Variants in DPP8 observed in about 807,000 individuals in gnomAD.
The protein encoded by DPP8 is dipeptidyl peptidase 8.
Under a neutral mutation model 107.5 loss-of-function variants are expected in DPP8, and 31 were observed. That is an observed-to-expected ratio of 0.29 (90% CI 0.22 to 0.39). The LOEUF (loss-of-function observed/expected upper bound fraction) is 0.39, where lower values mean the gene tolerates loss of function less well. Ranked by LOEUF, DPP8 falls within the 10% of genes least tolerant of loss-of-function variation. DPP8 has a pLI of 1.00. For synonymous variants in DPP8, 381 were observed against 356.6 expected (o/e 1.07, Z -0.77); for missense variants, 842 against 1,076.1 (o/e 0.78, Z 3.04).
intron 3 of DPP8, 94 bp from the exon 4 acceptor site, chr15:65,500,873 C>CTTTT (rs781459910): frequency 2.6e-4 from 87 of 329,060 alleles, no homozygotes; most frequent in South Asian, 6.0e-4. Context: ...ATTATTGACT[C>CTTTT]TTTTTTTTTT....
chr15:65,507,397 G>C (rs753720055), intron 2 of DPP8, 42 bp from the exon 3 acceptor site: 124 of 1,284,876 alleles, frequency 9.7e-5, no homozygotes, highest in Non-Finnish European at 2.7e-5. Flanking sequence ...TTTTCGAATA[G>C]CATTCTTACT....
chr15:65,463,246 A>C (rs1274133781), intron 15 of DPP8, among the ~76,000 whole-genome samples: 2 of 152,186 alleles, frequency 1.3e-5, no homozygotes, highest in African/African-American at 4.8e-5. Context: ...AAATTAAGGA[A>C]CTGCCTTAGT....
chr15:65,496,048 A>G (rs2140951998), intron 5 of DPP8, among the ~76,000 whole-genome samples: 1 of 149,134 alleles, frequency 6.7e-6, no homozygotes. Flanking sequence ...CAGTGGTGTG[A>G]TCTCAGCTCA....
chr15:65,497,909 T>C lies in DPP8; in HGVS notation c.670A>G (p.Asn224Asp). 1.3e-6 allele frequency: 2 copies of C among 1,594,582 alleles called. No homozygotes were observed. The highest frequency in any genetic ancestry group is 1.7e-6 in the Non-Finnish European group (2 of 1,167,752). ...FIHSNDIWISNIVTREERRLT... is the reference protein window; with the variant it reads ...FIHSNDIWISDIVTREERRLT... ...CTCCTTTCTTCTCTGGTTACGATGT[T>C]AGATATCCAAATATCGTTGCTATGT... The change falls in exon 5 of 20, where the codon AAC becomes GAC. Residue 224 changes from asparagine (N) to aspartate (D), a missense_variant. Coordinates refer to ENST00000300141, the MANE Select transcript of DPP8 (RefSeq NM_130434.5).
At chr15:65,464,232 A>G (rs7497047) in intron 14 of DPP8, among the ~76,000 whole-genome samples, 84,777 of 151,812 alleles carry the variant, frequency 0.56, 26,148 homozygotes, top group African/African-American at 0.83. Context: ...GCATGGTGGC[A>G]GGCGCCTGTA....
chr15:65,454,549 T>C (rs540718279), intron 16 of DPP8, 134 bp from the exon 17 acceptor site: 1 of 766,958 alleles, frequency 1.3e-6, no homozygotes, highest in South Asian at 2.1e-5. Flanking sequence ...TTTTTTGAGA[T>C]GGAGTCTCAC....
At chr15:65,516,307 C>G (rs747139996) in intron 1 of DPP8, 9 of 152,266 alleles carry the variant, frequency 5.9e-5, no homozygotes, top group Admixed American at 1.3e-4. Context: ...AGACTTTTCA[C>G]GAGATAAACA....
chr15:65,475,492 A>G (rs770061290), intron 11 of DPP8: 134 of 1,497,430 alleles, frequency 8.9e-5, no homozygotes, highest in Admixed American at 2.7e-4. Flanking sequence ...TCACTCCCAC[A>G]TAGGCCATCA....
At chr15:65,510,796 C>A (rs1300516371) in intron 2 of DPP8, among the ~76,000 whole-genome samples, 1 of 152,208 alleles carries the variant, frequency 6.6e-6, no homozygotes, top group Non-Finnish European at 1.5e-5. Context: ...GCCATAGCCT[C>A]CCAAAGTGCT....
intron 8 of DPP8, among the ~76,000 whole-genome samples, chr15:65,482,771 T>C (rs901924322): frequency 6.6e-6 from 1 of 151,148 alleles, no homozygotes; most frequent in South Asian, 2.1e-4. Context: ...ATCAGAAAAA[T>C]GTAAATCAAA....
chr15:65,450,537 T>C (rs948650942), intron 19 of DPP8, among the ~76,000 whole-genome samples: 11 of 152,222 alleles, frequency 7.2e-5, no homozygotes, highest in African/African-American at 2.7e-4. Context: ...AAAACTGGAA[T>C]AAGGAGCAAT....
chr15:65,515,679 G>C (rs752158023), intron 1 of DPP8: 1 of 1,613,890 alleles, frequency 6.2e-7, no homozygotes, highest in Non-Finnish European at 8.5e-7. Flanking sequence ...CATCTGCTCA[G>C]ATCTCTTCCA....
Position 65,466,786 on chromosome 15 carries a change from T to C in DPP8, c.1717A>G (p.Ser573Gly). 6.2e-7 allele frequency: 1 copy of C among 1,613,768 alleles called. No individual in the cohort carries two copies. Among genetic ancestry groups the C allele is most frequent in the Non-Finnish European group, 8.5e-7 (1 of 1,179,806 alleles). ...QHCDFFISKY[S>G]NQKNPHCVSL... is the part of the protein sequence containing the mutation. The stretch of plus-strand genomic sequence containing the variant: ...ACACAGTGTGGATTCTTCTGGTTAC[T>C]ATACTTACTTATAAAGAAGTCACAG... The change falls in exon 14 of 20, where the codon AGT (serine) becomes GGT (glycine). Residue 573 changes from serine to glycine, a missense_variant. Physicochemically the swap from Ser to Gly is moderately conservative, Grantham distance 56. Coordinates refer to ENST00000300141, the MANE Select transcript of DPP8 (RefSeq NM_130434.5).
intron 6 of DPP8, among the ~76,000 whole-genome samples, chr15:65,488,919 TAGTCAATC>T (rs2067715111): frequency 6.6e-6 from 1 of 152,156 alleles, no homozygotes; most frequent in Admixed American, 6.6e-5. Flanking sequence ...ACAGACTCTC[TAGTCAATC>T]ACACATTTTT....
rs2066282603 is a variant in DPP8 at position 65,475,313 on chromosome 15, T to C, written c.1457-1025A>G. The stretch of plus-strand genomic sequence containing the variant: ...ATTCCACCCCAGTGGTAGGTGGAAG[T>C]TGGGTCAGCTGCTGCCCCGAGCCAG... On this transcript the variant is annotated intron_variant, in intron 11 of 19. Coordinates refer to ENST00000300141, the MANE Select transcript of DPP8 (RefSeq NM_130434.5). 1.4e-5 allele frequency: 12 copies of C among 875,224 alleles called. 1 individual carries two copies. Among genetic ancestry groups the C allele is most frequent in the South Asian group, 2.8e-5 (2 of 70,524 alleles). 54.2% of individuals were successfully genotyped at this position (875,224 alleles called of 1,614,324 possible).
Position 65,475,708 on chromosome 15 carries a change from C to G in DPP8, c.1457-1420G>C, listed in dbSNP as rs352465. The G allele has an allele frequency of 1.1e-5, 6 of 538,738 alleles. No homozygotes were observed. In the East Asian group the frequency reaches 2.0e-4, roughly 18 times the overall value. The allele number at this position is 538,738 out of a possible 1,614,324, so 33.4% of individuals were successfully genotyped here. A position where few individuals can be genotyped will look rare whatever the true frequency, so the allele number is the denominator to read the frequency against. ...TTGTTCTTCATTTGCCAAAAAATAA[C>G]CCAGGTAAGTGTTTACCATAGCAAA... is the stretch of plus-strand genomic sequence containing the variant. On this transcript the variant is annotated intron_variant, in intron 11 of 19. Coordinates refer to ENST00000300141, the MANE Select transcript of DPP8 (RefSeq NM_130434.5).
In DPP8 at chr15:65,443,420, G is replaced by C. The variant is rs542932832; in HGVS notation, c.*3464C>G. On this transcript the variant is annotated 3_prime_UTR_variant, in exon 20 of 20. Transcript: ENST00000300141. ...GATTTAATAATGAGAAATCTTATAG[G>C]AATCATTCCACCTAAAGAGAACTAT... 22 of 151,820 alleles carry C rather than the reference G, an allele frequency of 1.4e-4. No individual in the cohort carries two copies. The South Asian group carries it at 4.6e-3, about 32-fold the overall frequency. 9.4% of individuals were successfully genotyped at this position (151,820 alleles called of 1,614,324 possible).
chr15:65,481,301 T>C (rs1015845915), intron 9 of DPP8, among the ~76,000 whole-genome samples: 6 of 152,202 alleles, frequency 3.9e-5, no homozygotes, highest in Non-Finnish European at 7.3e-5. Context: ...TGGCTGAGTA[T>C]AAAGACAGAA....
intron 15 of DPP8, among the ~76,000 whole-genome samples, chr15:65,457,692 C>T (rs555479345): frequency 3.3e-4 from 50 of 152,256 alleles, no homozygotes; most frequent in African/African-American, 1.2e-3. Context: ...GAACTTAATA[C>T]CTGTTTGCTA....
Sources: allele counts gnomAD v4.1 joint callset (sites outside exome capture counted in the v4.1 genomes callset), GRCh38; gene constraint gnomAD v4.1.1; transcripts MANE v1.5; gene names NCBI Gene and HGNC (gene_info 2026-07-23, HGNC 2026-07-21).